The following NAA11 variants were observed in gnomAD, a reference collection of about 807,000 sequenced individuals.
NAA11 encodes N-alpha-acetyltransferase 11.
NAA11 carries 15 observed loss-of-function variants against 16.1 expected under a neutral mutation model. The ratio of observed to expected loss-of-function variants is 0.93; its 90% CI spans 0.62 to 1.44. The LOEUF (loss-of-function observed/expected upper bound fraction) is 1.44. Among genes scored for constraint, NAA11 ranks in the 40% most tolerant of loss-of-function variants. NAA11 has a pLI of 0.00. For synonymous variants in NAA11, 122 were observed against 112.4 expected (o/e 1.09, Z -0.54); for missense variants, 298 against 291.3 (o/e 1.02, Z -0.17).
intron 2 of NAA11, among the ~76,000 whole-genome samples, chr4:79,275,604 T>C (rs1423217912): frequency 1.3e-5 from 2 of 152,138 alleles, no homozygotes; most frequent in Non-Finnish European, 2.9e-5. Flanking sequence ...CCTGCAAAGT[T>C]ACACTGATTT....
chr4:79,221,007 C>T (rs1578147556), downstream of NAA11, among the ~76,000 whole-genome samples: 1 of 151,686 alleles, frequency 6.6e-6, no homozygotes, highest in Admixed American at 6.6e-5. Context: ...TACCCATGAG[C>T]ATGGAATGTT....
chr4:79,213,094 A>G, the NAA11 span, among the ~76,000 whole-genome samples: 1 of 152,166 alleles, frequency 6.6e-6, no homozygotes, highest in East Asian at 1.9e-4. Context: ...AAAATTTTAT[A>G]CTGGTTCATT....
At chr4:79,257,887 T>C (rs1027095513) in intron 2 of NAA11, among the ~76,000 whole-genome samples, 1 of 152,262 alleles carries the variant, frequency 6.6e-6, no homozygotes, top group South Asian at 2.1e-4. Context: ...TAATCTTATT[T>C]GTTAAATAGA....
downstream of NAA11, among the ~76,000 whole-genome samples, chr4:79,222,173 G>C (rs1399420854): frequency 6.6e-6 from 1 of 152,230 alleles, no homozygotes; most frequent in East Asian, 1.9e-4. Context: ...AGAGGTGTTT[G>C]TAGTATTCTC....
the NAA11 span, among the ~76,000 whole-genome samples, chr4:79,189,063 G>C: frequency 1.4e-5 from 2 of 147,530 alleles, no homozygotes; most frequent in Admixed American, 1.4e-4. Flanking sequence ...GGAGAACCGC[G>C]TGAACCCGGG....
chr4:79,211,016 T>A, the NAA11 span, among the ~76,000 whole-genome samples: 1 of 152,208 alleles, frequency 6.6e-6, no homozygotes, highest in South Asian at 2.1e-4. Flanking sequence ...CTGTCATCTT[T>A]TTGTTTGCTC....
chr4:79,199,867 G>A, the NAA11 span, among the ~76,000 whole-genome samples: 24 of 151,984 alleles, frequency 1.6e-4, no homozygotes, highest in Non-Finnish European at 3.5e-4. Flanking sequence ...AATTTCTAAT[G>A]AGGGTGTCTA....
In NAA11 at chr4:79,232,353, C is replaced by CT. The variant is rs1176813237; in HGVS notation, c.*123-6084dup. Among the ~76,000 whole-genome samples the CT allele has an allele frequency of 5.9e-5, 9 of 151,992 alleles. No homozygotes were observed. In the South Asian group the frequency reaches 1.9e-3, roughly 32 times the overall value. ...AACAACTGTTCCCTTTTCCACAACTCTCCCTAGTTGTGTTTTCTTTCTAAA... is the reference window on the plus strand; with the variant it reads ...AACAACTGTTCCCTTTTCCACAACTCTTCCCTAGTTGTGTTTTCTTTCTAAA... On this transcript the variant is annotated intron_variant and NMD_transcript_variant, in intron 2 of 2. Transcript: ENST00000511542.
At chr4:79,191,130 C>T in the NAA11 span, among the ~76,000 whole-genome samples, 4 of 152,072 alleles carry the variant, frequency 2.6e-5, no homozygotes, top group South Asian at 2.1e-4. Context: ...CTGCAGTGAA[C>T]GTTCGCGTGC....
chr4:79,293,759 C>A (rs1175490585), intron 2 of NAA11, among the ~76,000 whole-genome samples: 3 of 152,294 alleles, frequency 2.0e-5, no homozygotes, highest in Middle Eastern at 3.4e-3. Flanking sequence ...CCTCCACAAA[C>A]TTCCTTTTTA....
the NAA11 span, among the ~76,000 whole-genome samples, chr4:79,164,606 A>G: frequency 4.6e-5 from 7 of 152,264 alleles, no homozygotes; most frequent in African/African-American, 1.2e-4. Flanking sequence ...TTGGCTCTCA[A>G]CTGGTGACAA....
intron 2 of NAA11, among the ~76,000 whole-genome samples, chr4:79,268,507 G>A (rs753478575): frequency 6.6e-6 from 1 of 152,068 alleles, no homozygotes; most frequent in Non-Finnish European, 1.5e-5. Flanking sequence ...TGGGCAGTTT[G>A]TGAGTAAAGA....
downstream of NAA11, among the ~76,000 whole-genome samples, chr4:79,313,705 C>G (rs1452017000): frequency 3.9e-5 from 6 of 152,124 alleles, no homozygotes; most frequent in Non-Finnish European, 8.8e-5. Context: ...TACTGGATTT[C>G]AAAGACGCAT....
intron 2 of NAA11, among the ~76,000 whole-genome samples, chr4:79,249,340 TG>T (rs563186140): frequency 8.3e-4 from 126 of 152,318 alleles, no homozygotes; most frequent in African/African-American, 2.9e-3. Flanking sequence ...ATGAGAAAGT[TG>T]AAACCTAATC....
chr4:79,176,438 G>A, the NAA11 span, among the ~76,000 whole-genome samples: 1 of 152,216 alleles, frequency 6.6e-6, no homozygotes, highest in African/African-American at 2.4e-5. Context: ...GATGGGCGAG[G>A]CTGGCAGGCT....
intron 2 of NAA11, among the ~76,000 whole-genome samples, chr4:79,292,135 A>T (rs1350959329): frequency 6.6e-6 from 1 of 152,100 alleles, no homozygotes; most frequent in Non-Finnish European, 1.5e-5. Context: ...GTCAACCCCT[A>T]AGTGTCAGGT....
chr4:79,163,461 G>A, the NAA11 span, among the ~76,000 whole-genome samples: 5 of 152,054 alleles, frequency 3.3e-5, no homozygotes, highest in African/African-American at 1.2e-4. Flanking sequence ...AGTAAGGAAT[G>A]GTGAAGAAGA....
At chr4:79,311,941 T>C (rs1400393186), downstream of NAA11, among the ~76,000 whole-genome samples, 1 of 152,214 alleles carries the variant, frequency 6.6e-6, no homozygotes, top group East Asian at 1.9e-4. Context: ...TCAAGTTCCA[T>C]ATGTATGCCT....
At chr4:79,324,023 C>G (rs1466699189) in intron 1 of NAA11, among the ~76,000 whole-genome samples, 7 of 148,374 alleles carry the variant, frequency 4.7e-5, no homozygotes, top group Non-Finnish European at 7.5e-5. Flanking sequence ...AAAAAAAGTA[C>G]AGTAATTGTT....
Sources: allele counts gnomAD v4.1 joint callset (sites outside exome capture counted in the v4.1 genomes callset), GRCh38; gene constraint gnomAD v4.1.1; transcripts MANE v1.5; gene names NCBI Gene and HGNC (gene_info 2026-07-23, HGNC 2026-07-21).